The following BARX2 variants were observed in gnomAD, a reference collection of about 807,000 sequenced individuals.
BARX2 encodes BARX homeobox 2, also known as homeobox protein BarH-like 2.
A neutral mutation model predicts 25.5 loss-of-function variants in BARX2; 11 were observed. That is an observed-to-expected ratio of 0.43 (90% confidence interval 0.27 to 0.71). The LOEUF is 0.71. Ranked by LOEUF, BARX2 falls within the 30% of genes least tolerant of loss-of-function variation. BARX2 has a pLI of 0.19. For synonymous variants in BARX2, 137 were observed against 149.5 expected, an observed-to-expected ratio of 0.92 and a Z score of 0.61; for missense variants, 360 against 359.9, an observed-to-expected ratio of 1.00 and a Z score of 0.00.
intron 1 of BARX2, among the ~76,000 whole-genome samples, chr11:129,423,860 CT>C (rs111828730): frequency 1.9e-3 from 266 of 142,840 alleles, no homozygotes; most frequent in Middle Eastern, 3.7e-3. Context: ...TCTCTCTCTC[CT>C]TTTTTTTTTT....
intron 2 of BARX2, among the ~76,000 whole-genome samples, chr11:129,439,989 A>T (rs149980885): frequency 6.6e-6 from 1 of 152,052 alleles, no homozygotes; most frequent in East Asian, 1.9e-4. Flanking sequence ...CTCTCAGGTC[A>T]CCTACACAGG....
chr11:129,410,710 C>T (rs947901846), intron 1 of BARX2, among the ~76,000 whole-genome samples: 1 of 152,180 alleles, frequency 6.6e-6, no homozygotes, highest in African/African-American at 2.4e-5. Flanking sequence ...TTTGGTTTCA[C>T]TGGAGAAGAA....
At chr11:129,426,186 C>T (rs1167858447) in intron 1 of BARX2, among the ~76,000 whole-genome samples, 1 of 152,070 alleles carries the variant, frequency 6.6e-6, no homozygotes, top group African/African-American at 2.4e-5. Flanking sequence ...TAAAAGGCTA[C>T]TCAGAATCTC....
chr11:129,407,001 C>G (rs775747330), intron 1 of BARX2, among the ~76,000 whole-genome samples: 25 of 152,178 alleles, frequency 1.6e-4, no homozygotes, highest in Non-Finnish European at 1.3e-4. Context: ...ACTTTATATC[C>G]TACTACGGGA....
rs532396105 is a variant in BARX2, at chr11:129,419,071, T to C, written c.188-17680T>C. On this transcript the variant is annotated intron_variant, in intron 1 of 3. Coordinates refer to ENST00000281437, the MANE Select transcript of BARX2 (RefSeq NM_003658.5). ...TGAACAGGCGTGCCTACATGGTCCCTGTGTGAGTGAGTGTGGGTGTACATG... is the reference window on the plus strand; with the variant it reads ...TGAACAGGCGTGCCTACATGGTCCCCGTGTGAGTGAGTGTGGGTGTACATG... 1.3e-3 allele frequency among the ~76,000 whole-genome samples: 194 copies of C among 152,320 alleles called. 1 individual carries two copies. Among genetic ancestry groups the C allele is most frequent in the African/African-American group, 4.5e-3 (187 of 41,576 alleles).
chr11:129,414,985 G>A (rs964614262), intron 1 of BARX2, among the ~76,000 whole-genome samples: 2 of 152,108 alleles, frequency 1.3e-5, no homozygotes, highest in East Asian at 3.8e-4. Flanking sequence ...AAAAGTTGTG[G>A]TAAGTAGTGC....
At chr11:129,399,003 T>G (rs758561420) in intron 1 of BARX2, among the ~76,000 whole-genome samples, 7 of 152,214 alleles carry the variant, frequency 4.6e-5, no homozygotes, top group Non-Finnish European at 7.3e-5. Flanking sequence ...AGCACCATTC[T>G]GGAATTGCAG....
chr11:129,384,259 T>C (rs1861598019), intron 1 of BARX2, among the ~76,000 whole-genome samples: 1 of 151,992 alleles, frequency 6.6e-6, no homozygotes, highest in Non-Finnish European at 1.5e-5. Context: ...AACCAACATA[T>C]GCATTTGGTA....
At chr11:129,392,066 T>C (rs1200245609) in intron 1 of BARX2, among the ~76,000 whole-genome samples, 3 of 152,226 alleles carry the variant, frequency 2.0e-5, no homozygotes, top group Non-Finnish European at 4.4e-5. Flanking sequence ...GATGGTCCAC[T>C]CTGCTGGGGA....
upstream of BARX2, among the ~76,000 whole-genome samples, chr11:129,375,762 C>T (rs958172640): frequency 6.6e-6 from 1 of 152,078 alleles, no homozygotes; most frequent in Non-Finnish European, 1.5e-5. This position sits in a 1 kb window ranked among gnomAD's most constrained non-coding sequence, Gnocchi z 4.0. Context: ...CGCCCCTCAG[C>T]ACACACTCCG....
chr11:129,416,703 G>C (rs1411962932), intron 1 of BARX2, among the ~76,000 whole-genome samples: 1 of 151,904 alleles, frequency 6.6e-6, no homozygotes, highest in Admixed American at 6.6e-5. Context: ...TACTACCTTA[G>C]AGATGTGAAA....
chr11:129,386,103 C>T (rs114225849), intron 1 of BARX2, among the ~76,000 whole-genome samples: 1,761 of 152,290 alleles, frequency 0.012, 37 homozygotes, highest in African/African-American at 0.039. Context: ...TGCTGTTTCT[C>T]CAGTAATGCT....
intron 1 of BARX2, among the ~76,000 whole-genome samples, chr11:129,386,569 C>A (rs915955334): frequency 6.6e-6 from 1 of 152,176 alleles, no homozygotes; most frequent in Admixed American, 6.5e-5. Flanking sequence ...GGTGATCTCA[C>A]AGAGATGTCT....
intron 1 of BARX2, among the ~76,000 whole-genome samples, chr11:129,385,172 C>T (rs946495277): frequency 3.3e-5 from 5 of 152,134 alleles, no homozygotes; most frequent in African/African-American, 1.2e-4. Context: ...GGAGATGGAG[C>T]AACAGGCATT....
At chr11:129,428,041 A>G (rs1367771630) in intron 1 of BARX2, among the ~76,000 whole-genome samples, 1 of 152,246 alleles carries the variant, frequency 6.6e-6, no homozygotes, top group Non-Finnish European at 1.5e-5. Flanking sequence ...AAGTATTTCT[A>G]GGTAAATGAT....
chr11:129,391,237 G>A (rs567963096), intron 1 of BARX2, among the ~76,000 whole-genome samples: 10 of 152,274 alleles, frequency 6.6e-5, no homozygotes, highest in African/African-American at 2.2e-4. Context: ...TTTCACATTC[G>A]TAAACCGAGG....
intron 2 of BARX2, among the ~76,000 whole-genome samples, chr11:129,439,696 G>C (rs1473169427): frequency 1.3e-5 from 2 of 152,158 alleles, no homozygotes; most frequent in Non-Finnish European, 2.9e-5. Context: ...GTGTCTTTGG[G>C]CAGATGATGG....
At chr11:129,382,736 G>A (rs958244966) in intron 1 of BARX2, among the ~76,000 whole-genome samples, 3 of 152,168 alleles carry the variant, frequency 2.0e-5, no homozygotes, top group Admixed American at 2.0e-4. Flanking sequence ...TGTGGAATGG[G>A]TGTTTCTAGT....
intron 1 of BARX2, among the ~76,000 whole-genome samples, chr11:129,416,805 T>C (rs1232009782): frequency 6.6e-6 from 1 of 151,954 alleles, no homozygotes; most frequent in Non-Finnish European, 1.5e-5. Flanking sequence ...CTGGTGTAAT[T>C]CGGCTGCTGC....
Sources: allele counts gnomAD v4.1 joint callset (sites outside exome capture counted in the v4.1 genomes callset), GRCh38; gene constraint gnomAD v4.1.1; non-coding constraint Gnocchi (gnomAD v3.1); transcripts MANE v1.5; gene names NCBI Gene and HGNC (gene_info 2026-07-23, HGNC 2026-07-21).